HDAC4: variants seen among roughly 807,000 people sequenced by gnomAD.
HDAC4 encodes the protein histone deacetylase A.
HDAC4 carries 16 observed loss-of-function variants against 135.1 expected under a neutral mutation model. The observed-to-expected ratio is 0.12, with a 90% CI of 0.08 to 0.18. HDAC4 has a LOEUF of 0.18. Among genes scored for constraint, HDAC4 ranks in the 10% least tolerant of loss-of-function variants. HDAC4 has a pLI of 1.00. For missense variants in HDAC4, 1,143 were observed against 1,511.8 expected (o/e 0.76, Z 4.05); for synonymous variants, 685 against 653.4 (o/e 1.05, Z -0.74).
chr2:239,168,993 T>C (rs2152985128), intron 5 of HDAC4, among the ~76,000 whole-genome samples: 1 of 152,350 alleles, frequency 6.6e-6, no homozygotes, highest in East Asian at 1.9e-4. Flanking sequence ...AGGGATTGTT[T>C]TGGGCTGGTA....
chr2:239,373,191 C>A (rs1694757631), intron 1 of HDAC4, among the ~76,000 whole-genome samples: 1 of 152,192 alleles, frequency 6.6e-6, no homozygotes, highest in African/African-American at 2.4e-5. Flanking sequence ...GAGGCTGCAG[C>A]CGCGCGTACC....
intron 3 of HDAC4, among the ~76,000 whole-genome samples, chr2:239,198,722 G>A (rs1344582450): frequency 7.2e-5 from 11 of 152,226 alleles, no homozygotes; most frequent in Middle Eastern, 3.4e-3. Context: ...CATTCGTGTC[G>A]CCCCTCTTCT....
intron 2 of HDAC4, among the ~76,000 whole-genome samples, chr2:239,241,030 C>T (rs2048147693): frequency 6.6e-6 from 1 of 152,202 alleles, no homozygotes; most frequent in Non-Finnish European, 1.5e-5. Context: ...GAAATGGCCT[C>T]AAGGGCTGTG....
At chr2:239,356,424 G>A (rs1008316552) in intron 1 of HDAC4, among the ~76,000 whole-genome samples, 3 of 152,052 alleles carry the variant, frequency 2.0e-5, no homozygotes, top group African/African-American at 7.2e-5. Flanking sequence ...GTGTGAGGAG[G>A]GACTAAAAAG....
chr2:239,164,941 G>C (rs77302068), intron 5 of HDAC4, among the ~76,000 whole-genome samples: 13,025 of 152,240 alleles, frequency 0.086, 637 homozygotes, highest in East Asian at 0.17. Flanking sequence ...CCTACACATA[G>C]GCCAGGCCCG....
intron 6 of HDAC4, among the ~76,000 whole-genome samples, chr2:239,157,635 TTC>T (rs1208997566): frequency 6.6e-6 from 1 of 152,228 alleles, no homozygotes; most frequent in Non-Finnish European, 1.5e-5. Flanking sequence ...GTGGAATAAA[TTC>T]TGAGTCTTTA....
Position 239,341,504 on chromosome 2 carries a change from C to T in HDAC4, c.22+11174G>A, listed in dbSNP as rs184616042. On this transcript the variant is annotated intron_variant, in intron 2 of 26. Coordinates refer to ENST00000543185, the MANE Select transcript of HDAC4 (RefSeq NM_001378414.1). ...GGGAGGGAGGAACTTCCCCTCAATA[C>T]GGCCTTACCCTAGATGTGAAGAGGT... Among the ~76,000 whole-genome samples, 19 of 152,306 alleles carry T rather than the reference C, an allele frequency of 1.2e-4. No individual in the cohort carries two copies. In the East Asian group the frequency reaches 2.1e-3, roughly 17 times the overall value.
intron 3 of HDAC4, among the ~76,000 whole-genome samples, chr2:239,230,723 T>C (rs932368422): frequency 6.6e-6 from 1 of 152,198 alleles, no homozygotes; most frequent in Non-Finnish European, 1.5e-5. Context: ...CGCAGGAATA[T>C]TACAACCAAG....
chr2:239,330,608 T>A (rs1691506052), intron 2 of HDAC4, among the ~76,000 whole-genome samples: 1 of 152,186 alleles, frequency 6.6e-6, no homozygotes, highest in South Asian at 2.1e-4. Context: ...TCAGCCAACC[T>A]TCACACTCTG....
At chr2:239,189,589 G>C (rs1413348214) in intron 4 of HDAC4, among the ~76,000 whole-genome samples, 3 of 152,184 alleles carry the variant, frequency 2.0e-5, no homozygotes, top group Admixed American at 6.5e-5. Flanking sequence ...TTTCCTATTT[G>C]GAATATGCTT....
At chr2:239,097,393 G>A (rs1046254644) in intron 16 of HDAC4, among the ~76,000 whole-genome samples, 26 of 152,200 alleles carry the variant, frequency 1.7e-4, no homozygotes, top group Non-Finnish European at 2.9e-4. Flanking sequence ...TACTTCCTCC[G>A]TGTCCATGGC....
intron 15 of HDAC4, among the ~76,000 whole-genome samples, chr2:239,105,593 G>A (rs138452620): frequency 7.9e-4 from 120 of 152,214 alleles, no homozygotes; most frequent in Non-Finnish European, 1.5e-3. Context: ...TCCTCACCAC[G>A]CGAAGCCAAC....
At chr2:239,250,879 T>C (rs1272835300) in intron 2 of HDAC4, among the ~76,000 whole-genome samples, 2 of 152,168 alleles carry the variant, frequency 1.3e-5, no homozygotes, top group African/African-American at 2.4e-5. Context: ...GGGGCGGTTT[T>C]CCCTCACCCT....
chr2:239,180,576 G>C (rs1440866005), intron 4 of HDAC4, among the ~76,000 whole-genome samples: 1 of 152,208 alleles, frequency 6.6e-6, no homozygotes, highest in Non-Finnish European at 1.5e-5. Flanking sequence ...ATTTTGTAAG[G>C]TAAAACTCCT....
At chr2:239,081,059 G>C (rs1377639297) in intron 22 of HDAC4, 36 bp downstream of exon 22, 1 of 1,481,592 alleles carries the variant, frequency 6.7e-7, no homozygotes. Context: ...AGGAAAAGCT[G>C]CTACTTCAGG....
At chr2:239,169,354 C>T (rs1351764138) in intron 5 of HDAC4, among the ~76,000 whole-genome samples, 1 of 152,206 alleles carries the variant, frequency 6.6e-6, no homozygotes, top group Non-Finnish European at 1.5e-5. Context: ...GATGTGGGTC[C>T]CACGCACGCC....
intron 2 of HDAC4, chr2:239,298,199 C>A: frequency 2.3e-6 from 3 of 1,289,308 alleles, no homozygotes; most frequent in Non-Finnish European, 2.0e-6. Flanking sequence ...CAGGGAACAG[C>A]AGAGGCCCGT....
chr2:239,157,289 T>TAA (rs1432854416), intron 6 of HDAC4, among the ~76,000 whole-genome samples: 1 of 152,254 alleles, frequency 6.6e-6, no homozygotes, highest in Non-Finnish European at 1.5e-5. Context: ...CCCATGGGGC[T>TAA]GTCTCTCAGA....
At chr2:239,346,491 AAC>A (rs755706254) in intron 2 of HDAC4, among the ~76,000 whole-genome samples, 2 of 148,268 alleles carry the variant, frequency 1.3e-5, no homozygotes, top group Non-Finnish European at 3.0e-5. Flanking sequence ...CCCATACTTT[AAC>A]ACACAGTCTA....
Sources: allele counts gnomAD v4.1 joint callset (sites outside exome capture counted in the v4.1 genomes callset), GRCh38; gene constraint gnomAD v4.1.1; transcripts MANE v1.5; gene names NCBI Gene and HGNC (gene_info 2026-07-23, HGNC 2026-07-21).